SLC26A9: variants seen among roughly 807,000 people sequenced by gnomAD.
The protein encoded by SLC26A9 is anion transporter/exchanger protein 9.
In SLC26A9, 46 loss-of-function variants were observed where a neutral mutation model predicts 87.1. That is an observed-to-expected ratio of 0.53 (90% confidence interval 0.42 to 0.67). SLC26A9 has a LOEUF of 0.67. Ranked by LOEUF, SLC26A9 falls within the 30% of genes least tolerant of loss-of-function variation. The pLI, the probability that SLC26A9 is intolerant of heterozygous loss-of-function variation, is 0.00. For missense variants in SLC26A9, 927 were observed against 1,018.3 expected, an observed-to-expected ratio of 0.91 and a Z score of 1.22; for synonymous variants, 437 against 409.1, an observed-to-expected ratio of 1.07 and a Z score of -0.82.
chr1:205,924,378 C>T lies in SLC26A9; in HGVS notation c.1496+5G>A. The T allele has an allele frequency of 1.2e-6, 2 of 1,614,016 alleles. No homozygotes were observed. The highest frequency in any genetic ancestry group is 8.5e-7 in the Non-Finnish European group (1 of 1,179,920). On this transcript the variant is annotated splice_donor_5th_base_variant and intron_variant, in intron 13 of 20. Coordinates refer to ENST00000367135, the MANE Select transcript of SLC26A9 (RefSeq NM_052934.4). ...GGGCCTAGGAGGGCGGAAGCTATCA[C>T]TTACAACTGAGTCTGGAAGACCACG...
chr1:205,931,469 T>TTTTTTTTTTTTTTTTTTTTTTTG (rs1659303482), intron 5 of SLC26A9, among the ~76,000 whole-genome samples: 7 of 46,010 alleles, frequency 1.5e-4, no homozygotes, highest in African/African-American at 4.1e-4. Flanking sequence ...AACTTGGTTT[T>TTTTTTTTTTTTTTTTTTTTTTTG]TTTTTTTTTT....
chr1:205,914,948 C>G lies in SLC26A9; in HGVS notation c.*409G>C. 6.2e-7 allele frequency: 1 copy of G among 1,614,164 alleles called. No homozygotes were observed. On this transcript the variant is annotated 3_prime_UTR_variant, in exon 21 of 21. Transcript: ENST00000367135. ...ACCGAGCCGTGTGGGCTCTGGGACA[C>G]TTTTTGAAGCTTGTACAGCAGGCCA...
intron 6 of SLC26A9, among the ~76,000 whole-genome samples, 160 bp from the exon 7 acceptor site, chr1:205,929,516 G>A (rs12164617): frequency 0.051 from 7,727 of 152,202 alleles, 230 homozygotes; most frequent in African/African-American, 0.069. Flanking sequence ...GTCGCCCACC[G>A]CCCTTTCCCA....
chr1:205,923,927 T>C (rs980847321), intron 13 of SLC26A9, among the ~76,000 whole-genome samples: 3 of 152,112 alleles, frequency 2.0e-5, no homozygotes. Flanking sequence ...GAAGAGAAGA[T>C]AGGATTCCCC....
chr1:205,924,648 T>C (rs1245994882), intron 12 of SLC26A9, 159 bp from the exon 13 acceptor site: 1 of 623,396 alleles, frequency 1.6e-6, no homozygotes. Flanking sequence ...TTTTATGTAT[T>C]TGTGCTTTGG....
At chr1:205,935,667 G>A in intron 2 of SLC26A9, 29 bp downstream of exon 2, 1 of 1,613,600 alleles carries the variant, frequency 6.2e-7, no homozygotes, top group Non-Finnish European at 8.5e-7. Flanking sequence ...GAGCAGAGGA[G>A]GCAGAAGTCT....
Position 205,914,643 on chromosome 1 carries a change from G to T in SLC26A9, c.*714C>A. 2.1e-6 allele frequency: 1 copy of T among 470,498 alleles called. No homozygotes were observed. The highest frequency in any genetic ancestry group is 3.8e-6 in the Non-Finnish European group (1 of 266,388). 29.1% of individuals were successfully genotyped at this position (470,498 alleles called of 1,614,324 possible). Reference sequence around the variant, plus strand: ...TTCAGGAGGCTGAGGCAGAACCTTAGTGGGCTGTCCCCGGGGAGGTAGCTC... The same window carrying T: ...TTCAGGAGGCTGAGGCAGAACCTTATTGGGCTGTCCCCGGGGAGGTAGCTC... On this transcript the variant is annotated 3_prime_UTR_variant, in exon 21 of 21. Transcript: ENST00000367135.
At chr1:205,939,908 C>G (rs1659667039) in intron 1 of SLC26A9, among the ~76,000 whole-genome samples, 1 of 152,220 alleles carries the variant, frequency 6.6e-6, no homozygotes, top group South Asian at 2.1e-4. Context: ...CGTGTATCTA[C>G]AAGCCCTGCC....
chr1:205,924,258 AC>A, intron 13 of SLC26A9, 124 bp downstream of exon 13: 1 of 838,464 alleles, frequency 1.2e-6, no homozygotes, highest in Non-Finnish European at 1.9e-6. Flanking sequence ...GCCTGGCAGC[AC>A]CTCCAGTGCC....
chr1:205,941,180 G>GT (rs1238468915), intron 1 of SLC26A9, among the ~76,000 whole-genome samples: 2 of 151,884 alleles, frequency 1.3e-5, no homozygotes, highest in Non-Finnish European at 2.9e-5. Flanking sequence ...TTTTGTTTTT[G>GT]TTTTTTGAGG....
intron 18 of SLC26A9, 105 bp downstream of exon 18, chr1:205,920,070 TG>T (rs769930421): frequency 1.1e-5 from 14 of 1,268,230 alleles, no homozygotes; most frequent in Non-Finnish European, 1.6e-5. Context: ...GGGGGATAGC[TG>T]GGTGCTCTCG....
chr1:205,927,694 C>A, intron 9 of SLC26A9, 89 bp from the exon 10 acceptor site: 1 of 1,413,934 alleles, frequency 7.1e-7, no homozygotes, highest in Non-Finnish European at 9.8e-7. Context: ...GGACTGTGGG[C>A]CTAAGACCTG....
At chr1:205,929,180 C>G in intron 7 of SLC26A9, 24 bp downstream of exon 7, 1 of 1,604,608 alleles carries the variant, frequency 6.2e-7, no homozygotes, top group Non-Finnish European at 8.5e-7. Context: ...CCCCCAACAT[C>G]CCAGCTCTGA....
In SLC26A9 at chr1:205,914,784, G is replaced by T; in HGVS notation, c.*573C>A. ...GGAGGGGGGGCGCATAGTTACCAAG[G>T]CCTAGACTCCTGGGTGTGGAGAGCA... is the stretch of plus-strand genomic sequence containing the variant. On this transcript the variant is annotated 3_prime_UTR_variant, in exon 21 of 21. Coordinates refer to ENST00000367135, the MANE Select transcript of SLC26A9 (RefSeq NM_052934.4). The T allele has an allele frequency of 2.9e-6, 4 of 1,402,862 alleles. No homozygotes were observed. The highest frequency in any genetic ancestry group is 2.3e-5 in the East Asian group (1 of 43,712). 86.9% of individuals were successfully genotyped at this position (1,402,862 alleles called of 1,614,324 possible).
chr1:205,923,365 T>G lies in SLC26A9; in HGVS notation c.1629A>C (p.Ser543=), dbSNP rs1658925282. 6.2e-7 allele frequency: 1 copy of G among 1,614,050 alleles called. No individual in the cohort carries two copies. Among genetic ancestry groups the G allele is most frequent in the Admixed American group, 1.7e-5 (1 of 60,008 alleles). ...CGATGACCTTTTGCCTGAAGATCTC[T>G]GAGTTGGCAAAGTAGAGAGGGGAGC... The part of the protein sequence containing the change: ...TYCSPLYFAN[S]EIFRQKVIAK... The change falls in exon 15 of 21, where the codon TCA becomes TCC. Residue 543 remains serine, a synonymous_variant. Coordinates refer to ENST00000367135, the MANE Select transcript of SLC26A9 (RefSeq NM_052934.4).
Position 205,921,716 on chromosome 1 carries a change from G to A in SLC26A9, c.1905C>T (p.Ala635=). 6.3e-7 allele frequency: 1 copy of A among 1,591,396 alleles called. No individual in the cohort carries two copies. ...ITFSPDSSSP[A]QSEPPASAEA... ...CAGCGGAGGCTGGTGGCTCACTCTGGGCAGGTGAGGAGCTGTCAGGGCTGA... is the reference window on the plus strand; with the variant it reads ...CAGCGGAGGCTGGTGGCTCACTCTGAGCAGGTGAGGAGCTGTCAGGGCTGA... Residue 635 remains alanine (A), a synonymous_variant, in exon 17 of 21, where the codon GCC becomes GCT. Transcript: ENST00000367135.
chr1:205,920,574 C>T (rs976202521), intron 17 of SLC26A9, among the ~76,000 whole-genome samples: 14 of 152,102 alleles, frequency 9.2e-5, no homozygotes, highest in Admixed American at 3.9e-4. Context: ...GATCTTGGCT[C>T]GCTGCAACCT....
rs747226954 is a variant in SLC26A9 at position 205,927,503 on chromosome 1, C to T, written c.1204G>A (p.Gly402Arg). Residue 402 changes from glycine to arginine, a missense_variant, in exon 10 of 21, where the codon GGA becomes AGA. By Grantham distance (125) the Gly-to-Arg change is moderately radical. Transcript: ENST00000367135. ...AGAACAAGGCTCACCTGGGATTTTC[C>T]TCCAGCTCCATCCACAGCCAGAGTG... ...SVTLAVDGAG[G>R]KSQVASLCVS... The T allele has an allele frequency of 6.2e-7, 1 of 1,613,998 alleles. No homozygotes were observed. Among genetic ancestry groups the T allele is most frequent in the Non-Finnish European group, 8.5e-7 (1 of 1,179,972 alleles).
intron 1 of SLC26A9, among the ~76,000 whole-genome samples, chr1:205,940,094 G>A (rs1273344000): frequency 2.0e-5 from 3 of 152,206 alleles, no homozygotes; most frequent in Admixed American, 2.0e-4. Context: ...GGTTTAAGGG[G>A]AGTAGGGGGT....
Sources: allele counts gnomAD v4.1 joint callset (sites outside exome capture counted in the v4.1 genomes callset), GRCh38; gene constraint gnomAD v4.1.1; transcripts MANE v1.5; gene names NCBI Gene and HGNC (gene_info 2026-07-23, HGNC 2026-07-21).